The following RGL1 variants were observed in gnomAD, a reference collection of about 807,000 sequenced individuals.
The protein encoded by RGL1 is ral guanine nucleotide dissociation stimulator-like 1.
In RGL1, 24 loss-of-function variants were observed where a neutral mutation model predicts 95.2. The ratio of observed to expected loss-of-function variants is 0.25; its 90% CI spans 0.18 to 0.35. The LOEUF (loss-of-function observed/expected upper bound fraction) is 0.35. Among genes scored for constraint, RGL1 ranks in the 10% least tolerant of loss-of-function variants. The probability of loss-of-function intolerance (pLI) is 1.00; values close to 1 mark genes in which losing one functional copy is unlikely to be tolerated. For missense variants in RGL1, 715 were observed against 936.3 expected, an observed-to-expected ratio of 0.76 and a Z score of 3.08; for synonymous variants, 329 against 344.9, an observed-to-expected ratio of 0.95 and a Z score of 0.51.
Position 183,742,872 on chromosome 1 carries a change from A to G in RGL1, c.132+583A>G, listed in dbSNP as rs566988775. ...GCAAGATATTGAAAACCATTTCCAT[A>G]TAGGCATGAAGAGGTATAAAAGGAA... On this transcript the variant is annotated intron_variant, in intron 2 of 18. Coordinates refer to the RGL1 transcript ENST00000304685. Among the ~76,000 whole-genome samples, 5 of 152,342 alleles carry G rather than the reference A, an allele frequency of 3.3e-5. No homozygotes were observed. The East Asian group carries it at 9.6e-4, about 29-fold the overall frequency.
At chr1:183,783,588 C>T (rs1444842516) in intron 2 of RGL1, among the ~76,000 whole-genome samples, 3 of 152,178 alleles carry the variant, frequency 2.0e-5, no homozygotes, top group Non-Finnish European at 2.9e-5. Context: ...TGAGCCAAGT[C>T]TCTCTTTCCT....
intron 2 of RGL1, among the ~76,000 whole-genome samples, chr1:183,816,875 G>A (rs1334959209): frequency 1.3e-5 from 2 of 151,970 alleles, no homozygotes; most frequent in East Asian, 1.9e-4. Context: ...TGCTACCACC[G>A]TTGTCCCCAC....
At chr1:183,890,116 C>T (rs1213085893) in intron 8 of RGL1, among the ~76,000 whole-genome samples, 3 of 152,140 alleles carry the variant, frequency 2.0e-5, no homozygotes, top group Admixed American at 6.6e-5. Flanking sequence ...TACCACCACT[C>T]TCCACTCAAC....
chr1:183,876,602 A>T (rs979080207), intron 4 of RGL1, among the ~76,000 whole-genome samples: 5 of 152,244 alleles, frequency 3.3e-5, no homozygotes, highest in Non-Finnish European at 5.9e-5. Context: ...TGGCTTCAGG[A>T]ATTACTTCTG....
At chr1:183,797,632 A>G (rs1437174342) in intron 2 of RGL1, among the ~76,000 whole-genome samples, 1 of 152,232 alleles carries the variant, frequency 6.6e-6, no homozygotes, top group African/African-American at 2.4e-5. Flanking sequence ...CAGAAAATGG[A>G]AGCAACGGCT....
intron 1 of RGL1, among the ~76,000 whole-genome samples, chr1:183,655,644 G>A (rs1651103569): frequency 6.6e-6 from 1 of 152,136 alleles, no homozygotes; most frequent in Non-Finnish European, 1.5e-5. Flanking sequence ...CGAGCTCGGG[G>A]GGTTATAAAC....
chr1:183,641,684 C>T (rs1299060853), intron 1 of RGL1, among the ~76,000 whole-genome samples: 1 of 152,142 alleles, frequency 6.6e-6, no homozygotes, highest in African/African-American at 2.4e-5. Context: ...ATTTAGATTT[C>T]CACCTTTTTT....
intron 2 of RGL1, among the ~76,000 whole-genome samples, chr1:183,789,797 A>T (rs187786057): frequency 2.4e-4 from 37 of 152,086 alleles, no homozygotes; most frequent in African/African-American, 8.7e-4. Context: ...GCAGTCATGG[A>T]CAGGTATGGC....
At chr1:183,663,467 C>T (rs375458165) in intron 1 of RGL1, among the ~76,000 whole-genome samples, 10,375 of 151,636 alleles carry the variant, frequency 0.068, 645 homozygotes, top group African/African-American at 0.16. Context: ...AAAAAATGCT[C>T]ACCATCACTG....
chr1:183,883,034 G>C (rs544578134), intron 5 of RGL1, among the ~76,000 whole-genome samples: 71 of 152,300 alleles, frequency 4.7e-4, no homozygotes, highest in Admixed American at 1.4e-3. Flanking sequence ...GGAAAGGAAG[G>C]CTGGGGATTT....
At chr1:183,827,056 G>A (rs1325996206) in intron 2 of RGL1, among the ~76,000 whole-genome samples, 10 of 152,042 alleles carry the variant, frequency 6.6e-5, no homozygotes, top group Admixed American at 5.9e-4. Flanking sequence ...CTAAATAGCT[G>A]GGATTACAGG....
At chr1:183,923,312 C>T (rs114553424) in intron 17 of RGL1, among the ~76,000 whole-genome samples, 2,425 of 152,304 alleles carry the variant, frequency 0.016, 32 homozygotes, top group Middle Eastern at 0.041. Context: ...TAGAATACTA[C>T]CTTCTCCTAG....
intron 2 of RGL1, among the ~76,000 whole-genome samples, chr1:183,762,572 AG>A (rs1276135072): frequency 2.0e-5 from 3 of 152,266 alleles, no homozygotes; most frequent in African/African-American, 7.2e-5. Flanking sequence ...AAAAATGGCA[AG>A]ACCTGCTTGA....
chr1:183,897,796 T>G lies in RGL1; in HGVS notation c.1141-12T>G. 6.2e-7 allele frequency: 1 copy of G among 1,606,476 alleles called. No individual in the cohort carries two copies. Among genetic ancestry groups the G allele is most frequent in the South Asian group, 1.1e-5 (1 of 90,924 alleles). ...TGTATCAATTCCCTCTGTGTGCATTTCTGTTTCTCAGGAAGGAACCTCAAA... is the reference window on the plus strand; with the variant it reads ...TGTATCAATTCCCTCTGTGTGCATTGCTGTTTCTCAGGAAGGAACCTCAAA... On this transcript the variant is annotated splice_polypyrimidine_tract_variant and intron_variant, in intron 9 of 17. Transcript: ENST00000360851.
intron 15 of RGL1, among the ~76,000 whole-genome samples, chr1:183,915,355 A>G (rs563128282): frequency 3.6e-4 from 55 of 152,370 alleles, no homozygotes; most frequent in Non-Finnish European, 7.1e-4. Context: ...TTCTACAATA[A>G]TAATGGGTAT....
intron 2 of RGL1, among the ~76,000 whole-genome samples, chr1:183,776,370 G>A (rs1335417214): frequency 2.0e-5 from 3 of 151,674 alleles, no homozygotes; most frequent in South Asian, 2.1e-4. Flanking sequence ...GGATGGTCTC[G>A]ATCTCCTGAC....
chr1:183,902,257 TA>T (rs1668071154), intron 11 of RGL1, among the ~76,000 whole-genome samples: 1 of 152,248 alleles, frequency 6.6e-6, no homozygotes, highest in Non-Finnish European at 1.5e-5. Flanking sequence ...TGTAATGGAA[TA>T]TTTACTCAAG....
chr1:183,833,125 T>C (rs2491441), intron 2 of RGL1, among the ~76,000 whole-genome samples: 23,936 of 152,160 alleles, frequency 0.16, 2,275 homozygotes, highest in East Asian at 0.29. Flanking sequence ...AGTAATACCT[T>C]AGTTTAATAT....
intron 1 of RGL1, among the ~76,000 whole-genome samples, chr1:183,710,685 A>C (rs1558166189): frequency 6.6e-6 from 1 of 152,186 alleles, no homozygotes; most frequent in Non-Finnish European, 1.5e-5. Flanking sequence ...GGAGAGGGAG[A>C]GAGCACACAG....
Sources: allele counts gnomAD v4.1 joint callset (sites outside exome capture counted in the v4.1 genomes callset), GRCh38; gene constraint gnomAD v4.1.1; transcripts MANE v1.5; gene names NCBI Gene and HGNC (gene_info 2026-07-23, HGNC 2026-07-21).